The following DOCK3 variants were observed in gnomAD, a reference collection of about 807,000 sequenced individuals.
The protein encoded by DOCK3 is dedicator of cytokinesis protein 3.
DOCK3 carries 60 observed loss-of-function variants against 265.6 expected under a neutral mutation model. The observed-to-expected ratio is 0.23, with a 90% confidence interval of 0.18 to 0.28. The LOEUF (loss-of-function observed/expected upper bound fraction) is 0.28. DOCK3 is among the 10% of genes least tolerant of loss of function. The pLI is 1.00. For missense variants in DOCK3, 1,981 were observed against 2,594.3 expected (o/e 0.76, Z 5.14); for synonymous variants, 881 against 938.0 (o/e 0.94, Z 1.11).
intron 2 of DOCK3, among the ~76,000 whole-genome samples, chr3:50,826,423 C>T (rs1304024893): frequency 6.6e-6 from 1 of 152,154 alleles, no homozygotes; most frequent in African/African-American, 2.4e-5. Flanking sequence ...GGTGAGATCT[C>T]TGTGCAGTGA....
intron 12 of DOCK3, among the ~76,000 whole-genome samples, chr3:51,198,084 G>A (rs1432112322): frequency 1.3e-5 from 2 of 152,228 alleles, no homozygotes; most frequent in Admixed American, 6.5e-5. Flanking sequence ...TCGAGTTTCT[G>A]TCATGCCTCA....
intron 5 of DOCK3, among the ~76,000 whole-genome samples, chr3:50,988,611 C>A (rs917724421): frequency 3.9e-5 from 6 of 152,226 alleles, no homozygotes; most frequent in Non-Finnish European, 8.8e-5. Flanking sequence ...ACCAGGGTCT[C>A]CAGCCACCTA....
intron 1 of DOCK3, among the ~76,000 whole-genome samples, chr3:50,678,207 T>C (rs1191971003): frequency 6.6e-6 from 1 of 152,190 alleles, no homozygotes; most frequent in African/African-American, 2.4e-5. Flanking sequence ...ACTGTACCCG[T>C]TCGCCCGTGT....
chr3:51,056,870 A>G (rs1311530812), intron 5 of DOCK3, among the ~76,000 whole-genome samples: 3 of 152,224 alleles, frequency 2.0e-5, no homozygotes, highest in African/African-American at 7.2e-5. Flanking sequence ...CAACATTGGA[A>G]GGAAACAATG....
intron 14 of DOCK3, among the ~76,000 whole-genome samples, chr3:51,216,288 A>G (rs113009362): frequency 6.6e-6 from 1 of 152,366 alleles, no homozygotes; most frequent in African/African-American, 2.4e-5. Context: ...TGTGGAAAGA[A>G]ATCTTTTTTA....
At chr3:50,996,839 A>G (rs2078305027) in intron 5 of DOCK3, among the ~76,000 whole-genome samples, 1 of 152,130 alleles carries the variant, frequency 6.6e-6, no homozygotes. Context: ...TTCTGATCGC[A>G]TTTAGAATAA....
chr3:50,977,255 T>C (rs1184872885), intron 5 of DOCK3, among the ~76,000 whole-genome samples: 1 of 152,128 alleles, frequency 6.6e-6, no homozygotes, highest in African/African-American at 2.4e-5. Context: ...TCTTTACATT[T>C]TGGCATGATT....
chr3:50,915,857 A>G (rs2050090374), intron 4 of DOCK3, among the ~76,000 whole-genome samples: 1 of 151,980 alleles, frequency 6.6e-6, no homozygotes, highest in Admixed American at 6.6e-5. Context: ...TCTGGCCCAT[A>G]GCAGTAGGGG....
At chr3:50,688,732 G>A (rs2107718355) in intron 1 of DOCK3, among the ~76,000 whole-genome samples, 1 of 152,264 alleles carries the variant, frequency 6.6e-6, no homozygotes, top group Non-Finnish European at 1.5e-5. Flanking sequence ...TTAAAGTGCT[G>A]GGATTACAGG....
At chr3:51,354,456 C>T (rs1166065736) in intron 40 of DOCK3, among the ~76,000 whole-genome samples, 1 of 152,172 alleles carries the variant, frequency 6.6e-6, no homozygotes, top group African/African-American at 2.4e-5. Context: ...ACCTTCTTTC[C>T]AGCTCCACCT....
chr3:51,159,397 T>C (rs990033458), intron 11 of DOCK3, 93 bp downstream of exon 11: 2 of 1,166,000 alleles, frequency 1.7e-6, no homozygotes, highest in Non-Finnish European at 2.5e-6. Flanking sequence ...CCCTAGATCT[T>C]ACCTGTAATT....
intron 3 of DOCK3, among the ~76,000 whole-genome samples, chr3:50,867,196 A>C (rs936861680): frequency 6.6e-6 from 1 of 152,174 alleles, no homozygotes; most frequent in African/African-American, 2.4e-5. Flanking sequence ...TATTGTAAAG[A>C]AAATTACTTT....
At chr3:51,002,557 A>G (rs1332881793) in intron 5 of DOCK3, among the ~76,000 whole-genome samples, 3 of 152,234 alleles carry the variant, frequency 2.0e-5, no homozygotes, top group Admixed American at 6.5e-5. Context: ...TATAAGTTGT[A>G]TAGTCTTATA....
At chr3:50,786,615 G>A (rs542252674) in intron 2 of DOCK3, 23 of 569,032 alleles carry the variant, frequency 4.0e-5, no homozygotes, top group Admixed American at 1.3e-4. Flanking sequence ...AAAGTTGTCC[G>A]CACTCTGGCC....
At chr3:51,231,310 G>A (rs2090538717) in intron 19 of DOCK3, among the ~76,000 whole-genome samples, 1 of 151,378 alleles carries the variant, frequency 6.6e-6, no homozygotes, top group South Asian at 2.1e-4. Flanking sequence ...CATATTTTTA[G>A]TAGAGACACG....
intron 27 of DOCK3, among the ~76,000 whole-genome samples, chr3:51,305,733 CGCGTGTGT>C (rs1197939567): frequency 8.1e-5 from 11 of 135,624 alleles, no homozygotes; most frequent in East Asian, 7.3e-4. Flanking sequence ...TGTGTGTGTG[CGCGTGTGT>C]GTGTGTGTGT....
chr3:50,966,483 G>GTTTTTTTTTTTTTTTTCTTTT (rs140247895), intron 5 of DOCK3, among the ~76,000 whole-genome samples: 2 of 116,900 alleles, frequency 1.7e-5, no homozygotes, highest in African/African-American at 3.2e-5. Flanking sequence ...GTTATCTCTT[G>GTTTTTTTTTTTTTTTTCTTTT]TTTTTTTTTT....
At chr3:50,972,150 G>A (rs1247976045) in intron 5 of DOCK3, among the ~76,000 whole-genome samples, 2 of 152,204 alleles carry the variant, frequency 1.3e-5, no homozygotes, top group Non-Finnish European at 2.9e-5. Flanking sequence ...CAGCTCTGTG[G>A]TTGTCCTGCT....
intron 9 of DOCK3, among the ~76,000 whole-genome samples, chr3:51,117,848 C>G (rs1402929478): frequency 6.6e-6 from 1 of 151,848 alleles, no homozygotes; most frequent in Non-Finnish European, 1.5e-5. Context: ...TGATTATTCT[C>G]TCTTTTATTC....
Sources: allele counts gnomAD v4.1 joint callset (sites outside exome capture counted in the v4.1 genomes callset), GRCh38; gene constraint gnomAD v4.1.1; transcripts MANE v1.5; gene names NCBI Gene and HGNC (gene_info 2026-07-23, HGNC 2026-07-21).